The following CCL25 variants were observed in gnomAD, a reference collection of about 807,000 sequenced individuals.
CCL25 encodes the protein C-C motif chemokine 25.
A neutral mutation model predicts 19.9 loss-of-function variants in CCL25; 14 were observed. That is an observed-to-expected ratio of 0.70 (90% CI 0.47 to 1.10). The LOEUF is 1.10. Ranked by LOEUF, CCL25 falls within the 50% of genes least tolerant of loss-of-function variation. The pLI, the probability that CCL25 is intolerant of heterozygous loss-of-function variation, is 0.00. For missense variants in CCL25, 151 were observed against 181.2 expected (o/e 0.83, Z 0.96); for synonymous variants, 68 against 73.2 (o/e 0.93, Z 0.36).
At chr19:8,057,442 A>G (rs1207816629) in intron 4 of CCL25, among the ~76,000 whole-genome samples, 1 of 151,570 alleles carries the variant, frequency 6.6e-6, no homozygotes, top group Non-Finnish European at 1.5e-5. Flanking sequence ...CAATCCTCCC[A>G]CGTCAGCCTC....
chr19:8,060,672 C>T lies in CCL25; in HGVS notation c.446-1546C>T, dbSNP rs544632029. Among the ~76,000 whole-genome samples the T allele has an allele frequency of 1.6e-3, 238 of 151,734 alleles. 1 individual carries two copies. The highest frequency in any genetic ancestry group is 3.1e-3 in the Non-Finnish European group (209 of 67,950). On this transcript the variant is annotated intron_variant, in intron 5 of 5. Transcript: ENST00000315626. ...AGCTGGGACTGCAGGCCAGTACCCT[C>T]AGCTTACCAGGGATTTTTTTTTTTT...
At position 8,053,103 on chromosome 19, in the gene CCL25, C is replaced by A; in HGVS notation, c.54C>A (p.Ala18=). The stretch of plus-strand genomic sequence containing the variant: ...TGGCCGGCTTCCTGGGAGCCTGGGC[C>A]CCCGCTGTCCACACCCAAGGTACTG... ...CLVAGFLGAW[A]PAVHTQGVFE... is the part of the protein sequence containing the mutation. The change falls in exon 2 of 6, where the codon GCC becomes GCA. Residue 18 remains alanine, a synonymous_variant. Coordinates refer to ENST00000315626, the MANE Select transcript of CCL25 (RefSeq NM_005624.4). 1.3e-6 allele frequency: 2 copies of A among 1,556,570 alleles called. No individual in the cohort carries two copies. The highest frequency in any genetic ancestry group is 8.7e-7 in the Non-Finnish European group (1 of 1,149,770).
At chr19:8,060,294 T>G (rs936369557) in intron 5 of CCL25, among the ~76,000 whole-genome samples, 2 of 152,012 alleles carry the variant, frequency 1.3e-5, no homozygotes, top group Non-Finnish European at 2.9e-5. Context: ...TGAGCTATGA[T>G]CATACCATTG....
At position 8,062,579 on chromosome 19, in the gene CCL25, A is replaced by T. The variant is rs1053431122; in HGVS notation, c.*354A>T. 1 of 273,060 alleles carries T rather than the reference A, an allele frequency of 3.7e-6. No individual in the cohort carries two copies. The highest frequency in any genetic ancestry group is 6.8e-6 in the Non-Finnish European group (1 of 146,154). 16.9% of individuals were successfully genotyped at this position (273,060 alleles called of 1,614,324 possible). On this transcript the variant is annotated 3_prime_UTR_variant, in exon 6 of 6. Coordinates refer to ENST00000315626, the MANE Select transcript of CCL25 (RefSeq NM_005624.4). ...TCTGGGTCCCTCCAAAACTCTGGTCAGTTCAAGGATGCCCCTCCCAGGCTA... is the reference window on the plus strand; with the variant it reads ...TCTGGGTCCCTCCAAAACTCTGGTCTGTTCAAGGATGCCCCTCCCAGGCTA...
intron 2 of CCL25, among the ~76,000 whole-genome samples, chr19:8,055,495 C>T (rs1304703951): frequency 6.6e-6 from 1 of 151,460 alleles, no homozygotes; most frequent in Admixed American, 6.6e-5. Flanking sequence ...ACCACCACAC[C>T]CGGCTAATTT....
chr19:8,060,083 T>C (rs2145298105), intron 5 of CCL25, among the ~76,000 whole-genome samples: 2 of 151,432 alleles, frequency 1.3e-5, no homozygotes, highest in South Asian at 4.2e-4. Flanking sequence ...AGCGAGACTC[T>C]GTCTCTAAAT....
Position 8,062,313 on chromosome 19 carries a change from C to A in CCL25, c.*88C>A, listed in dbSNP as rs1466632940. On this transcript the variant is annotated 3_prime_UTR_variant, in exon 6 of 6. Transcript: ENST00000315626. Reference sequence around the variant, plus strand: ...CGCCCTACAGACCCAGCTGTCCCCACGCCTCTGTCTTTTGGGTCAAGTCTT... The same window carrying A: ...CGCCCTACAGACCCAGCTGTCCCCAAGCCTCTGTCTTTTGGGTCAAGTCTT... 4 of 1,449,868 alleles carry A rather than the reference C, an allele frequency of 2.8e-6. No individual in the cohort carries two copies. The highest frequency in any genetic ancestry group is 1.7e-5 in the Admixed American group (1 of 59,496). 89.8% of individuals were successfully genotyped at this position (1,449,868 alleles called of 1,614,324 possible).
chr19:8,053,172 C>A, intron 2 of CCL25, 50 bp downstream of exon 2: 1 of 1,181,692 alleles, frequency 8.5e-7, no homozygotes, highest in Non-Finnish European at 1.2e-6. Flanking sequence ...CCCCATGCCC[C>A]CACCCCACCC....
chr19:8,060,629 C>T (rs942408747), intron 5 of CCL25, among the ~76,000 whole-genome samples: 15 of 152,128 alleles, frequency 9.9e-5, no homozygotes, highest in Admixed American at 5.2e-4. Context: ...CATAGCTCAC[C>T]GCCTCAGCCT....
At chr19:8,060,982 A>T (rs1599234992) in intron 5 of CCL25, among the ~76,000 whole-genome samples, 4 of 95,160 alleles carry the variant, frequency 4.2e-5, no homozygotes, top group Admixed American at 1.3e-4. Context: ...GCCCGGCCTA[A>T]TTTTTTTTTT....
rs182685783 is a variant in CCL25, at chr19:8,057,720, A to G, written c.326-81A>G. On this transcript the variant is annotated intron_variant, in intron 4 of 5. Transcript: ENST00000315626. ...GACTCATTGGCTTAAATAACCAGTC[A>G]ACAGCTTCAGGCTCAGCTGGATCCA... 5,210 of 1,491,700 alleles carry G rather than the reference A, an allele frequency of 3.5e-3. 10 individuals are homozygous for G. Among genetic ancestry groups the G allele is most frequent in the Non-Finnish European group, 4.5e-3 (5,011 of 1,115,744 alleles). 92.4% of individuals were successfully genotyped at this position (1,491,700 alleles called of 1,614,324 possible).
At chr19:8,060,784 C>T (rs2081312452) in intron 5 of CCL25, among the ~76,000 whole-genome samples, 1 of 151,644 alleles carries the variant, frequency 6.6e-6, no homozygotes, top group Non-Finnish European at 1.5e-5. Context: ...GGGTTCACGC[C>T]ATTCTCCTGG....
chr19:8,061,809 C>T (rs563238372), intron 5 of CCL25, among the ~76,000 whole-genome samples: 8 of 151,962 alleles, frequency 5.3e-5, no homozygotes, highest in Non-Finnish European at 8.8e-5. Flanking sequence ...CTGGCTAACA[C>T]GGTGAAACCC....
At chr19:8,054,873 G>A (rs1157784448) in intron 2 of CCL25, among the ~76,000 whole-genome samples, 1 of 151,688 alleles carries the variant, frequency 6.6e-6, no homozygotes. Context: ...GTTTCATTGA[G>A]ACAGAGTTTT....
intron 5 of CCL25, among the ~76,000 whole-genome samples, chr19:8,061,926 T>C (rs1003893046): frequency 7.2e-5 from 11 of 151,932 alleles, no homozygotes; most frequent in Admixed American, 7.2e-4. Flanking sequence ...GGTACTCGCC[T>C]GTAGTTGCAG....
intron 2 of CCL25, among the ~76,000 whole-genome samples, chr19:8,055,011 C>A (rs1156809438): frequency 6.6e-6 from 1 of 150,618 alleles, no homozygotes; most frequent in Non-Finnish European, 1.5e-5. Context: ...CCACTATCAG[C>A]CAGGCACAGT....
At chr19:8,059,074 TAA>T (rs2081297292) in intron 5 of CCL25, among the ~76,000 whole-genome samples, 1 of 34,334 alleles carries the variant, frequency 2.9e-5, no homozygotes, top group Non-Finnish European at 7.6e-5. Flanking sequence ...ATATAATATA[TAA>T]TATATATAAT....
chr19:8,057,318 C>T (rs2081279990), intron 4 of CCL25, among the ~76,000 whole-genome samples: 1 of 148,970 alleles, frequency 6.7e-6, no homozygotes, highest in Admixed American at 6.7e-5. Flanking sequence ...CCATGCCTGG[C>T]TCCAGCTCAT....
chr19:8,056,608 T>A, intron 4 of CCL25, 109 bp downstream of exon 4: 1 of 1,252,690 alleles, frequency 8.0e-7, no homozygotes, highest in East Asian at 2.4e-5. Flanking sequence ...TACTGACACC[T>A]GCCTGAACCC....
Sources: allele counts gnomAD v4.1 joint callset (sites outside exome capture counted in the v4.1 genomes callset), GRCh38; gene constraint gnomAD v4.1.1; transcripts MANE v1.5; gene names NCBI Gene and HGNC (gene_info 2026-07-23, HGNC 2026-07-21).